Variants in RAB11FIP4 observed in about 807,000 individuals in gnomAD.
RAB11FIP4 encodes the protein RAB11 family interacting protein 4, also known as rab11 family-interacting protein 4.
RAB11FIP4 carries 23 observed loss-of-function variants against 74.3 expected under a neutral mutation model. That is an observed-to-expected ratio of 0.31 (90% CI 0.22 to 0.44). The LOEUF is 0.44. Ranked by LOEUF, RAB11FIP4 falls within the 20% of genes least tolerant of loss-of-function variation. The probability of loss-of-function intolerance (pLI) is 1.00; values close to 1 mark genes in which losing one functional copy is unlikely to be tolerated. For synonymous variants in RAB11FIP4, 360 were observed against 359.9 expected (o/e 1.00, Z 0.00); for missense variants, 630 against 863.9 (o/e 0.73, Z 3.39).
intron 3 of RAB11FIP4, among the ~76,000 whole-genome samples, chr17:31,516,091 C>T (rs925937074): frequency 3.9e-5 from 6 of 152,092 alleles, no homozygotes; most frequent in African/African-American, 1.2e-4. Flanking sequence ...CAGATGCGAA[C>T]GTGAAATACC....
intron 1 of RAB11FIP4, among the ~76,000 whole-genome samples, chr17:31,395,441 T>C (rs543907476): frequency 1.2e-4 from 19 of 152,312 alleles, no homozygotes; most frequent in Middle Eastern, 3.4e-3. Context: ...CAACAAACAC[T>C]GTCTCAGAAG....
intron 3 of RAB11FIP4, among the ~76,000 whole-genome samples, chr17:31,511,489 A>G (rs755664463): frequency 2.6e-5 from 4 of 152,186 alleles, no homozygotes; most frequent in Non-Finnish European, 5.9e-5. Flanking sequence ...ACTGCAGTAC[A>G]GTATGGTTCC....
rs531606299 is a variant in RAB11FIP4 at position 31,486,105 on chromosome 17, A to G, written c.337-31546A>G. Among the ~76,000 whole-genome samples the G allele has an allele frequency of 7.3e-5, 11 of 151,548 alleles. No individual in the cohort carries two copies. The East Asian group carries it at 1.4e-3, about 19-fold the overall frequency. ...AAAAATTAGCTGGGCGTGGTGGCACACACCAGTAGTCTCAGCTACTTGGGA... is the reference window on the plus strand; with the variant it reads ...AAAAATTAGCTGGGCGTGGTGGCACGCACCAGTAGTCTCAGCTACTTGGGA... On this transcript the variant is annotated intron_variant, in intron 3 of 14. Coordinates refer to ENST00000621161, the MANE Select transcript of RAB11FIP4 (RefSeq NM_032932.6).
At chr17:31,399,497 G>GAGGTC (rs2070963699) in intron 1 of RAB11FIP4, among the ~76,000 whole-genome samples, 1 of 152,170 alleles carries the variant, frequency 6.6e-6, no homozygotes, top group Non-Finnish European at 1.5e-5. Context: ...CAGATTGCTT[G>GAGGTC]AGGTCAGGAG....
chr17:31,530,526 C>T (rs1427248434), intron 14 of RAB11FIP4, 57 bp downstream of exon 14: 1 of 1,589,554 alleles, frequency 6.3e-7, no homozygotes, highest in African/African-American at 1.3e-5. Flanking sequence ...GATTCCTTCT[C>T]CCGGCCCCCA....
chr17:31,517,728 G>C lies in RAB11FIP4; in HGVS notation c.414G>C (p.Glu138Asp), dbSNP rs149214174. ...PREPGFFPEDEEEAMTLAPPE... is the reference protein window; with the variant it reads ...PREPGFFPEDDEEAMTLAPPE... ...AACCCGGCTTTTTTCCCGAGGACGA[G>C]GAGGAGGCTATGACGCTGGCGCCAC... Residue 138 changes from glutamate (E) to aspartate (D), a missense_variant, in exon 4 of 15, where the codon GAG becomes GAC. Physicochemically the swap from Glu to Asp is conservative, Grantham distance 45. Coordinates refer to ENST00000621161, the MANE Select transcript of RAB11FIP4 (RefSeq NM_032932.6). The C allele has an allele frequency of 3.7e-6, 6 of 1,600,420 alleles. No homozygotes were observed. The highest frequency in any genetic ancestry group is 4.3e-6 in the Non-Finnish European group (5 of 1,174,186).
chr17:31,442,300 G>C (rs2071413886), intron 3 of RAB11FIP4, among the ~76,000 whole-genome samples: 1 of 152,044 alleles, frequency 6.6e-6, no homozygotes, highest in Admixed American at 6.6e-5. Flanking sequence ...TGCCCAGCCA[G>C]GTGTATATAT....
intron 3 of RAB11FIP4, among the ~76,000 whole-genome samples, chr17:31,463,637 G>A (rs1349064515): frequency 6.6e-6 from 1 of 151,956 alleles, no homozygotes; most frequent in Non-Finnish European, 1.5e-5. Flanking sequence ...CCGAGTAGCT[G>A]GGATTACAGG....
At chr17:31,431,700 G>A (rs1424760280) in intron 1 of RAB11FIP4, 113 bp from the exon 2 acceptor site, 1 of 789,702 alleles carries the variant, frequency 1.3e-6, no homozygotes, top group African/African-American at 1.7e-5. Context: ...AGGGTAAGAG[G>A]ACTGGGCGGG....
chr17:31,455,579 T>C (rs150845971), intron 3 of RAB11FIP4, among the ~76,000 whole-genome samples: 1 of 152,336 alleles, frequency 6.6e-6, no homozygotes, highest in Non-Finnish European at 1.5e-5. Flanking sequence ...TCCTCTGCCT[T>C]GTACACATGG....
At chr17:31,488,386 T>G (rs8075239) in intron 3 of RAB11FIP4, 818,609 of 1,026,434 alleles carry the variant, frequency 0.8, 327,195 homozygotes, top group African/African-American at 0.96. Flanking sequence ...TGGGAGGTCG[T>G]GTTACCTGAG....
At chr17:31,494,512 G>T (rs2072076318) in intron 3 of RAB11FIP4, among the ~76,000 whole-genome samples, 1 of 152,130 alleles carries the variant, frequency 6.6e-6, no homozygotes, top group Non-Finnish European at 1.5e-5. Flanking sequence ...TTGCCGGGGA[G>T]TGTCATGGCC....
chr17:31,410,073 T>A (rs1354157665), intron 1 of RAB11FIP4, among the ~76,000 whole-genome samples: 1 of 152,156 alleles, frequency 6.6e-6, no homozygotes, highest in Non-Finnish European at 1.5e-5. Context: ...GCGATACTGT[T>A]CCCCTGAGAG....
chr17:31,486,058 A>AC (rs34412159), intron 3 of RAB11FIP4, among the ~76,000 whole-genome samples: 33,303 of 151,664 alleles, frequency 0.22, 4,772 homozygotes, highest in African/African-American at 0.39. Flanking sequence ...ATATGGTGAA[A>AC]CCCCGTCTCT....
At chr17:31,472,067 CAGG>C (rs1378368182) in intron 3 of RAB11FIP4, among the ~76,000 whole-genome samples, 2 of 151,618 alleles carry the variant, frequency 1.3e-5, no homozygotes, top group Non-Finnish European at 2.9e-5. Context: ...AAGGCTGAGG[CAGG>C]AGAATAGCTT....
intron 14 of RAB11FIP4, 125 bp downstream of exon 14, chr17:31,530,594 C>A: frequency 7.9e-7 from 1 of 1,258,176 alleles, no homozygotes; most frequent in South Asian, 1.4e-5. Context: ...TCTACAGCTA[C>A]CCCACATGAC....
intron 3 of RAB11FIP4, among the ~76,000 whole-genome samples, chr17:31,458,402 G>A (rs73277797): frequency 2.0e-5 from 3 of 152,186 alleles, no homozygotes; most frequent in African/African-American, 2.4e-5. Context: ...AGGGCATTGC[G>A]GGGAGGCAAG....
intron 1 of RAB11FIP4, among the ~76,000 whole-genome samples, chr17:31,402,035 A>G (rs541609672): frequency 6.6e-6 from 1 of 152,020 alleles, no homozygotes; most frequent in South Asian, 2.1e-4. Context: ...TTCCATCCAT[A>G]TATACCCAAC....
At chr17:31,521,894 T>A in intron 5 of RAB11FIP4, 21 bp from the exon 6 acceptor site, 2 of 1,613,970 alleles carry the variant, frequency 1.2e-6, no homozygotes, top group African/African-American at 2.7e-5. Context: ...AAGGTGGTGA[T>A]TCCTTTCCCT....
Sources: allele counts gnomAD v4.1 joint callset (sites outside exome capture counted in the v4.1 genomes callset), GRCh38; gene constraint gnomAD v4.1.1; transcripts MANE v1.5; gene names NCBI Gene and HGNC (gene_info 2026-07-23, HGNC 2026-07-21).